Variants in PDE4D observed in about 807,000 individuals in gnomAD.
PDE4D encodes 3',5'-cyclic-AMP phosphodiesterase 4D.
PDE4D carries 24 observed loss-of-function variants against 87.4 expected under a neutral mutation model. That is an observed-to-expected ratio of 0.27 (90% CI 0.20 to 0.39). The LOEUF is 0.39. Among genes scored for constraint, PDE4D ranks in the 10% least tolerant of loss-of-function variants. The probability of loss-of-function intolerance (pLI) is 1.00; values close to 1 mark genes in which losing one functional copy is unlikely to be tolerated. For synonymous variants in PDE4D, 384 were observed against 383.2 expected, an observed-to-expected ratio of 1.00 and a Z score of -0.02; for missense variants, 714 against 1,041.0, an observed-to-expected ratio of 0.69 and a Z score of 4.32.
intron 1 of PDE4D, among the ~76,000 whole-genome samples, chr5:59,636,911 A>T (rs1053191516): frequency 2.0e-5 from 3 of 152,218 alleles, no homozygotes; most frequent in African/African-American, 7.2e-5. Flanking sequence ...AATGGGATCT[A>T]ACTAAACTAA....
chr5:60,235,936 A>G (rs1746376849), intron 1 of PDE4D, among the ~76,000 whole-genome samples: 1 of 151,964 alleles, frequency 6.6e-6, no homozygotes, highest in South Asian at 2.1e-4. Flanking sequence ...TCATCCCCAC[A>G]CAAATACAGC....
At chr5:59,564,718 C>T (rs957276017) in intron 1 of PDE4D, among the ~76,000 whole-genome samples, 1 of 152,126 alleles carries the variant, frequency 6.6e-6, no homozygotes, top group South Asian at 2.1e-4. Context: ...GTTAGTGTAT[C>T]CAGTCAGGCA....
chr5:60,403,773 C>T (rs1356219622), intron 1 of PDE4D, among the ~76,000 whole-genome samples: 1 of 152,212 alleles, frequency 6.6e-6, no homozygotes, highest in Non-Finnish European at 1.5e-5. Context: ...TGCTGTCTCT[C>T]CAGCAGGTAG....
chr5:59,956,584 A>G (rs1455492417), intron 3 of PDE4D, among the ~76,000 whole-genome samples: 1 of 152,174 alleles, frequency 6.6e-6, no homozygotes, highest in African/African-American at 2.4e-5. Context: ...AGCCAAGATG[A>G]CTGGGGAATT....
intron 1 of PDE4D, among the ~76,000 whole-genome samples, chr5:60,189,772 T>A (rs1016815300): frequency 6.6e-6 from 1 of 152,214 alleles, no homozygotes; most frequent in African/African-American, 2.4e-5. Context: ...CTCAGATGCA[T>A]TGGTTTTAAA....
chr5:59,687,805 T>A (rs1349825680), intron 1 of PDE4D, among the ~76,000 whole-genome samples: 1 of 152,086 alleles, frequency 6.6e-6, no homozygotes, highest in Non-Finnish European at 1.5e-5. Context: ...CCCACCACTG[T>A]GCTGTATTCA....
intron 1 of PDE4D, among the ~76,000 whole-genome samples, chr5:59,723,480 T>C (rs1196302359): frequency 6.6e-6 from 1 of 152,156 alleles, no homozygotes; most frequent in Non-Finnish European, 1.5e-5. Context: ...GGGATTTGGA[T>C]AATTTTTACT....
intron 5 of PDE4D, among the ~76,000 whole-genome samples, chr5:59,090,150 T>C (rs1768422745): frequency 1.3e-5 from 2 of 152,158 alleles, no homozygotes; most frequent in South Asian, 4.1e-4. Flanking sequence ...CTATAAAAAT[T>C]AGTCAAATTG....
chr5:60,508,330 C>T (rs942286354), intron 1 of PDE4D, among the ~76,000 whole-genome samples: 2 of 152,154 alleles, frequency 1.3e-5, no homozygotes, highest in Admixed American at 1.3e-4. Flanking sequence ...ATTGAGAATT[C>T]CTTGGGAGCA....
chr5:59,643,619 T>C (rs973186885), intron 1 of PDE4D, among the ~76,000 whole-genome samples: 1 of 152,218 alleles, frequency 6.6e-6, no homozygotes, highest in South Asian at 2.1e-4. Context: ...AAATGTATGG[T>C]GAAAATGAAC....
At chr5:60,211,078 C>A (rs1487358426) in intron 1 of PDE4D, among the ~76,000 whole-genome samples, 2 of 152,160 alleles carry the variant, frequency 1.3e-5, no homozygotes, top group Admixed American at 1.3e-4. Context: ...TCCACCTGGG[C>A]GCTGGAATCA....
At chr5:59,863,287 T>C (rs1309276824) in intron 1 of PDE4D, among the ~76,000 whole-genome samples, 1 of 152,194 alleles carries the variant, frequency 6.6e-6, no homozygotes, top group Non-Finnish European at 1.5e-5. Context: ...TCCCAGAGTA[T>C]ATTTTCCTTT....
intron 3 of PDE4D, among the ~76,000 whole-genome samples, chr5:59,958,351 G>GT (rs1759091251): frequency 6.6e-6 from 1 of 152,080 alleles, no homozygotes; most frequent in Non-Finnish European, 1.5e-5. Flanking sequence ...TGGCAAGAGT[G>GT]TTTCTTCCAA....
intron 1 of PDE4D, among the ~76,000 whole-genome samples, chr5:60,275,655 ATTCTT>A (rs1368146729): frequency 2.0e-5 from 3 of 151,822 alleles, no homozygotes; most frequent in Admixed American, 2.0e-4. Flanking sequence ...TACAAAACCA[ATTCTT>A]TTCTTCTGTG....
upstream of PDE4D, among the ~76,000 whole-genome samples, chr5:59,895,832 A>G (rs926610588): frequency 6.6e-6 from 1 of 152,230 alleles, no homozygotes; most frequent in Admixed American, 6.5e-5. Flanking sequence ...TTAAATTGGA[A>G]TAATTCAAAT....
At chr5:59,157,789 C>T (rs1289774375) in intron 5 of PDE4D, among the ~76,000 whole-genome samples, 1 of 152,152 alleles carries the variant, frequency 6.6e-6, no homozygotes, top group East Asian at 1.9e-4. Flanking sequence ...AAAGACATGA[C>T]TACCATATGC....
intron 6 of PDE4D, among the ~76,000 whole-genome samples, chr5:59,031,072 AATG>A (rs1407348557): frequency 3.3e-5 from 5 of 152,030 alleles, no homozygotes; most frequent in Non-Finnish European, 7.4e-5. Context: ...CAAACAGATG[AATG>A]ATAACAAGTG....
chr5:59,817,524 G>A (rs1351715255), intron 1 of PDE4D, among the ~76,000 whole-genome samples: 3 of 152,124 alleles, frequency 2.0e-5, no homozygotes, highest in African/African-American at 7.2e-5. Context: ...TTGAAGTGTT[G>A]ATATGTTCCC....
chr5:59,988,202 A>T, intron 3 of PDE4D: 1 of 290,696 alleles, frequency 3.4e-6, no homozygotes, highest in Non-Finnish European at 6.4e-6. Context: ...CTATCAAGTC[A>T]CATATGGCCA....
Sources: gnomAD v4.1 joint callset for allele counts (sites outside exome capture counted in the v4.1 genomes callset) on GRCh38, gnomAD v4.1.1 for gene constraint, MANE v1.5 for transcripts, NCBI Gene and HGNC (gene_info 2026-07-23, HGNC 2026-07-21) for gene names.